The following KCNQ3 variants were observed in gnomAD, a reference collection of about 807,000 sequenced individuals.
KCNQ3 encodes potassium voltage-gated channel subfamily KQT member 3.
Under a neutral mutation model 92.5 loss-of-function variants are expected in KCNQ3, and 30 were observed. That is an observed-to-expected ratio of 0.32 (90% confidence interval 0.24 to 0.44). KCNQ3 has a LOEUF of 0.44. Among genes scored for constraint, KCNQ3 ranks in the 20% least tolerant of loss-of-function variants. The pLI is 1.00. For synonymous variants in KCNQ3, 450 were observed against 468.8 expected, an observed-to-expected ratio of 0.96 and a Z score of 0.52; for missense variants, 913 against 1,140.3, an observed-to-expected ratio of 0.80 and a Z score of 2.87.
intron 1 of KCNQ3, among the ~76,000 whole-genome samples, chr8:132,267,795 TAACA>T (rs1488731804): frequency 6.6e-6 from 1 of 152,180 alleles, no homozygotes; most frequent in African/African-American, 2.4e-5. Flanking sequence ...CATTTTAAGT[TAACA>T]AACAGCAAAA....
rs912012088 is a variant in KCNQ3 at position 132,128,730 on chromosome 8, C to G, written c.*532G>C. On this transcript the variant is annotated 3_prime_UTR_variant, in exon 15 of 15. Coordinates refer to ENST00000388996, the MANE Select transcript of KCNQ3 (RefSeq NM_004519.4). ...ATTCTTTGTTTTAGAGACACAATGA[C>G]TATCTCATTCCTTTCCTAATGTTAG... 1.9e-5 allele frequency: 3 copies of G among 157,972 alleles called. No homozygotes were observed. The highest frequency in any genetic ancestry group is 7.2e-5 in the African/African-American group (3 of 41,490). 9.8% of individuals were successfully genotyped at this position (157,972 alleles called of 1,614,324 possible).
chr8:132,334,615 G>T (rs1475939264), intron 1 of KCNQ3, among the ~76,000 whole-genome samples: 3 of 152,194 alleles, frequency 2.0e-5, no homozygotes, highest in African/African-American at 7.2e-5. Context: ...TTGAGTGCTT[G>T]TCTCCCATGC....
chr8:132,310,320 A>G (rs1471667587), intron 1 of KCNQ3, among the ~76,000 whole-genome samples: 1 of 152,190 alleles, frequency 6.6e-6, no homozygotes, highest in African/African-American at 2.4e-5. Flanking sequence ...CATGTAACAT[A>G]AAGATCCCCC....
At chr8:132,358,761 C>T (rs73343898) in intron 1 of KCNQ3, among the ~76,000 whole-genome samples, 1,931 of 152,112 alleles carry the variant, frequency 0.013, 52 homozygotes, top group African/African-American at 0.044. Flanking sequence ...AGTATGAACC[C>T]CTGAGATTAT....
At chr8:132,141,085 A>T in intron 10 of KCNQ3, 44 bp downstream of exon 10, 1 of 1,556,032 alleles carries the variant, frequency 6.4e-7, no homozygotes. Flanking sequence ...GACTTGGGGG[A>T]GGAAGAAGTG....
At position 132,125,842 on chromosome 8, in the gene KCNQ3, CAA is replaced by C. The variant is rs1491570312; in HGVS notation, c.*3418_*3419del. Reference sequence around the variant, plus strand: ...AAGCCTAAATTTCCAGTTCTAAAAACAAAGTTATTCAACAACACTTTCTCAAT... The same window carrying C: ...AAGCCTAAATTTCCAGTTCTAAAAACAGTTATTCAACAACACTTTCTCAAT... On this transcript the variant is annotated 3_prime_UTR_variant, in exon 15 of 15. Coordinates refer to ENST00000388996, the MANE Select transcript of KCNQ3 (RefSeq NM_004519.4). 1 of 152,118 alleles carries C rather than the reference CAA, an allele frequency of 6.6e-6. No individual in the cohort carries two copies. Among genetic ancestry groups the C allele is most frequent in the Admixed American group, 6.6e-5 (1 of 15,264 alleles). The allele number at this position is 152,118 out of a possible 1,614,324, so 9.4% of individuals were successfully genotyped here.
chr8:132,437,694 T>C (rs1264315237), intron 1 of KCNQ3, among the ~76,000 whole-genome samples: 1 of 152,204 alleles, frequency 6.6e-6, no homozygotes, highest in African/African-American at 2.4e-5. Flanking sequence ...TCATGCACCG[T>C]ATTTTCATAC....
chr8:132,322,144 C>T (rs969983246), intron 1 of KCNQ3, among the ~76,000 whole-genome samples: 1 of 152,146 alleles, frequency 6.6e-6, no homozygotes, highest in African/African-American at 2.4e-5. Context: ...AACAAAGAGA[C>T]TTTAGCTTGC....
intron 1 of KCNQ3, among the ~76,000 whole-genome samples, chr8:132,224,666 A>G (rs979026288): frequency 6.6e-6 from 1 of 152,228 alleles, no homozygotes; most frequent in African/African-American, 2.4e-5. Flanking sequence ...ATTAAGTTAA[A>G]GGGAACAGGA....
chr8:132,256,367 A>T (rs1226252902), intron 1 of KCNQ3, among the ~76,000 whole-genome samples: 1 of 152,122 alleles, frequency 6.6e-6, no homozygotes, highest in Non-Finnish European at 1.5e-5. Flanking sequence ...CCTGAGAGAC[A>T]CCATCAGTGT....
intron 1 of KCNQ3, among the ~76,000 whole-genome samples, chr8:132,202,403 C>T (rs1317388544): frequency 2.0e-5 from 3 of 152,158 alleles, no homozygotes; most frequent in Admixed American, 6.5e-5. Context: ...TTGTTCTTTA[C>T]ATGGCCGGAC....
At chr8:132,323,889 C>T (rs1563859455) in intron 1 of KCNQ3, among the ~76,000 whole-genome samples, 1 of 152,180 alleles carries the variant, frequency 6.6e-6, no homozygotes, top group Non-Finnish European at 1.5e-5. Flanking sequence ...AATATGCTTT[C>T]ATCACCTACA....
At chr8:132,194,908 C>A (rs1349791204) in intron 1 of KCNQ3, among the ~76,000 whole-genome samples, 1 of 152,216 alleles carries the variant, frequency 6.6e-6, no homozygotes, top group Non-Finnish European at 1.5e-5. Flanking sequence ...AACTCCCAGC[C>A]TGCTACATCC....
At chr8:132,230,965 A>G (rs1814627458) in intron 1 of KCNQ3, among the ~76,000 whole-genome samples, 1 of 152,256 alleles carries the variant, frequency 6.6e-6, no homozygotes, top group Non-Finnish European at 1.5e-5. Flanking sequence ...AAATGAGGTT[A>G]TGATGGGCCC....
At chr8:132,252,290 T>A (rs1447859787) in intron 1 of KCNQ3, among the ~76,000 whole-genome samples, 1 of 144,016 alleles carries the variant, frequency 6.9e-6, no homozygotes, top group Non-Finnish European at 1.6e-5. Context: ...GATGTTCAGA[T>A]GTGTCCGGAG....
At chr8:132,201,521 C>G (rs1219364623) in intron 1 of KCNQ3, among the ~76,000 whole-genome samples, 1 of 151,836 alleles carries the variant, frequency 6.6e-6, no homozygotes, top group African/African-American at 2.4e-5. Context: ...GCACAAGATA[C>G]GTACTCCCAT....
intron 1 of KCNQ3, among the ~76,000 whole-genome samples, chr8:132,422,260 T>C (rs1031244211): frequency 1.3e-5 from 2 of 152,164 alleles, no homozygotes; most frequent in African/African-American, 2.4e-5. Context: ...TATCTGCACA[T>C]TGACTTCCAG....
chr8:132,443,861 C>A (rs79316054), intron 1 of KCNQ3, among the ~76,000 whole-genome samples: 3 of 152,126 alleles, frequency 2.0e-5, no homozygotes, highest in South Asian at 2.1e-4. Flanking sequence ...CTTTACCCCC[C>A]CATTTGTCTT....
At chr8:132,451,959 G>A (rs1821829706) in intron 1 of KCNQ3, among the ~76,000 whole-genome samples, 1 of 151,972 alleles carries the variant, frequency 6.6e-6, no homozygotes, top group Admixed American at 6.6e-5. Context: ...TTTTTTTGCA[G>A]AACTAAACAC....
Sources: gnomAD v4.1 joint callset for allele counts (sites outside exome capture counted in the v4.1 genomes callset) on GRCh38, gnomAD v4.1.1 for gene constraint, MANE v1.5 for transcripts, NCBI Gene and HGNC (gene_info 2026-07-23, HGNC 2026-07-21) for gene names.